The following GPHN variants were observed in gnomAD, a reference collection of about 807,000 sequenced individuals.
GPHN encodes the protein gephyrin.
Under a neutral mutation model 95.5 loss-of-function variants are expected in GPHN, and 17 were observed. The ratio of observed to expected loss-of-function variants is 0.18; its 90% CI spans 0.12 to 0.27. The LOEUF (loss-of-function observed/expected upper bound fraction) is 0.27. GPHN is among the 10% of genes least tolerant of loss of function. The pLI, the probability that GPHN is intolerant of heterozygous loss-of-function variation, is 1.00. For synonymous variants in GPHN, 320 were observed against 322.5 expected (o/e 0.99, Z 0.08); for missense variants, 660 against 978.1 (o/e 0.67, Z 4.34).
At chr14:66,954,864 A>T (rs2153581075) in intron 8 of GPHN, among the ~76,000 whole-genome samples, 2 of 152,266 alleles carry the variant, frequency 1.3e-5, no homozygotes, top group South Asian at 4.1e-4. Context: ...AACGGAGATG[A>T]TCATTTGTGA....
intron 4 of GPHN, among the ~76,000 whole-genome samples, chr14:66,876,835 A>G (rs1407372606): frequency 6.6e-6 from 1 of 152,160 alleles, no homozygotes; most frequent in African/African-American, 2.4e-5. Context: ...AGCTGGTACC[A>G]TTTGTTCTGA....
chr14:66,616,689 G>A (rs1387138669), intron 1 of GPHN, among the ~76,000 whole-genome samples: 5 of 152,052 alleles, frequency 3.3e-5, no homozygotes, highest in African/African-American at 9.7e-5. Context: ...GTCTCACCCA[G>A]TTAGGGGCAT....
Position 66,836,692 on chromosome 14 carries a change from C to T in GPHN, c.294+12126C>T, listed in dbSNP as rs575610431. Among the ~76,000 whole-genome samples, 871 of 147,288 alleles carry T rather than the reference C, an allele frequency of 5.9e-3. 4 individuals carry two copies. Among genetic ancestry groups the T allele is most frequent in the African/African-American group, 0.022 (830 of 38,124 alleles). ...TGGGAGAAAATTTTCGCAACCTACTCATCTGACAAAGCACTAATATCCAGA... is the reference window on the plus strand; with the variant it reads ...TGGGAGAAAATTTTCGCAACCTACTTATCTGACAAAGCACTAATATCCAGA... On this transcript the variant is annotated intron_variant, in intron 4 of 22. Coordinates refer to ENST00000478722, the MANE Select transcript of GPHN (RefSeq NM_020806.5).
At chr14:66,898,321 A>G (rs529915149) in intron 5 of GPHN, among the ~76,000 whole-genome samples, 120 of 151,368 alleles carry the variant, frequency 7.9e-4, no homozygotes, top group African/African-American at 2.9e-3. Flanking sequence ...TTTTTTTCTA[A>G]AACTTTTATA....
At chr14:67,050,256 G>T (rs1398199830) in intron 10 of GPHN, among the ~76,000 whole-genome samples, 1 of 152,078 alleles carries the variant, frequency 6.6e-6, no homozygotes, top group East Asian at 1.9e-4. Context: ...TATTTTTCCG[G>T]TGAGGTAATC....
chr14:67,301,529 A>G, the GPHN span: 1 of 1,207,136 alleles, frequency 8.3e-7, no homozygotes, highest in Non-Finnish European at 1.2e-6. Context: ...TTTTTAAATC[A>G]AAGACTCCAG....
At chr14:67,342,686 A>G in the GPHN span, among the ~76,000 whole-genome samples, 1 of 150,360 alleles carries the variant, frequency 6.7e-6, no homozygotes, top group African/African-American at 2.4e-5. Flanking sequence ...TATAGTTAAT[A>G]TAACAGTTAA....
the GPHN span, among the ~76,000 whole-genome samples, chr14:67,441,691 C>T: frequency 6.7e-6 from 1 of 148,550 alleles, no homozygotes; most frequent in East Asian, 1.9e-4. Context: ...GGGCGGGCCT[C>T]ATCCAATCTG....
At chr14:67,230,480 G>C in the GPHN span, among the ~76,000 whole-genome samples, 161 of 152,128 alleles carry the variant, frequency 1.1e-3, no homozygotes, top group Non-Finnish European at 1.6e-3. Flanking sequence ...ACTGAGGATG[G>C]AAGATTGCTT....
At chr14:66,759,660 C>G (rs1357908047) in intron 2 of GPHN, among the ~76,000 whole-genome samples, 2 of 152,088 alleles carry the variant, frequency 1.3e-5, no homozygotes, top group Admixed American at 6.6e-5. Flanking sequence ...AGGGATGAAT[C>G]TGGTTTTATT....
chr14:66,591,059 A>T lies in GPHN; in HGVS notation c.64+82468A>T, dbSNP rs149108808. 6.2e-4 allele frequency among the ~76,000 whole-genome samples: 94 copies of T among 152,340 alleles called. 1 individual carries two copies. The East Asian group carries it at 0.017, about 27-fold the overall frequency. Reference sequence around the variant, plus strand: ...AAACCGAAGCAACGATGAAAACCACATGATTATCTCAATAGATGCAGAAAA... The same window carrying T: ...AAACCGAAGCAACGATGAAAACCACTTGATTATCTCAATAGATGCAGAAAA... On this transcript the variant is annotated intron_variant, in intron 1 of 22. Transcript: ENST00000478722.
the GPHN span, chr14:67,650,778 C>T: frequency 5.6e-6 from 9 of 1,613,956 alleles, no homozygotes; most frequent in Admixed American, 1.7e-5. Context: ...GAGGAAGAGG[C>T]GAAGACTACA....
At chr14:67,516,278 G>A in the GPHN span, among the ~76,000 whole-genome samples, 2 of 152,126 alleles carry the variant, frequency 1.3e-5, no homozygotes, top group Non-Finnish European at 2.9e-5. Context: ...CACCCTCTGG[G>A]GGTGTCCTTT....
the GPHN span, among the ~76,000 whole-genome samples, chr14:67,489,149 G>T: frequency 2.6e-5 from 4 of 152,184 alleles, no homozygotes; most frequent in Non-Finnish European, 5.9e-5. Context: ...CATCTCTCAT[G>T]ATTTTCTCAG....
the GPHN span, among the ~76,000 whole-genome samples, chr14:67,728,640 A>G: frequency 2.0e-5 from 3 of 150,222 alleles, no homozygotes; most frequent in Non-Finnish European, 4.4e-5. Context: ...CATTTAAAGC[A>G]TGTTGTATGG....
intron 22 of GPHN, among the ~76,000 whole-genome samples, chr14:67,180,167 A>G (rs751201787): frequency 4.6e-5 from 7 of 152,146 alleles, no homozygotes; most frequent in Non-Finnish European, 8.8e-5. Flanking sequence ...TAGACTTTAA[A>G]CTGTTATTCC....
the GPHN span, chr14:67,393,227 T>A: frequency 6.2e-7 from 1 of 1,613,212 alleles, no homozygotes; most frequent in Non-Finnish European, 8.5e-7. Flanking sequence ...ATCGTGCATC[T>A]TGTCCACAAT....
chr14:66,780,510 T>C (rs1293911044), intron 3 of GPHN, among the ~76,000 whole-genome samples: 1 of 151,994 alleles, frequency 6.6e-6, no homozygotes, highest in African/African-American at 2.4e-5. Context: ...ATTTTTTTCC[T>C]AAAGGAATCA....
intron 8 of GPHN, among the ~76,000 whole-genome samples, chr14:66,960,623 A>C (rs2068837751): frequency 6.6e-6 from 1 of 152,098 alleles, no homozygotes. Context: ...AATCAGAGAA[A>C]ATCTCCCAGT....
Sources: gnomAD v4.1 joint callset for allele counts (sites outside exome capture counted in the v4.1 genomes callset) on GRCh38, gnomAD v4.1.1 for gene constraint, MANE v1.5 for transcripts, NCBI Gene and HGNC (gene_info 2026-07-23, HGNC 2026-07-21) for gene names.